The following ZC3HAV1 variants were observed in gnomAD, a reference collection of about 807,000 sequenced individuals.
The protein encoded by ZC3HAV1 is zinc finger CCCH-type antiviral protein 1.
ZC3HAV1 carries 41 observed loss-of-function variants against 86.6 expected under a neutral mutation model. The ratio of observed to expected loss-of-function variants is 0.47; its 90% confidence interval spans 0.37 to 0.61. The LOEUF is 0.61. Among genes scored for constraint, ZC3HAV1 ranks in the 20% least tolerant of loss-of-function variants. The pLI, the probability that ZC3HAV1 is intolerant of heterozygous loss-of-function variation, is 0.00. For synonymous variants in ZC3HAV1, 421 were observed against 432.1 expected, an observed-to-expected ratio of 0.97 and a Z score of 0.32; for missense variants, 964 against 1,141.1, an observed-to-expected ratio of 0.84 and a Z score of 2.24.
At chr7:139,082,707 G>A (rs1266909043) in intron 3 of ZC3HAV1, among the ~76,000 whole-genome samples, 2 of 152,146 alleles carry the variant, frequency 1.3e-5, no homozygotes, top group African/African-American at 4.8e-5. Flanking sequence ...ATCATGCTAA[G>A]TGAAATAAGC....
chr7:139,073,420 C>T (rs1816838811), intron 7 of ZC3HAV1, among the ~76,000 whole-genome samples: 1 of 152,080 alleles, frequency 6.6e-6, no homozygotes, highest in Non-Finnish European at 1.5e-5. Flanking sequence ...AAAAATACCA[C>T]TTCCTCTACC....
intron 2 of ZC3HAV1, among the ~76,000 whole-genome samples, chr7:139,084,331 A>C (rs749375491): frequency 5.3e-5 from 8 of 152,232 alleles, no homozygotes; most frequent in Non-Finnish European, 1.2e-4. Context: ...ATCATGAAGG[A>C]ACCCAGCACA....
At chr7:139,074,123 T>G in intron 6 of ZC3HAV1, 93 bp from the exon 7 acceptor site, 1 of 1,270,050 alleles carries the variant, frequency 7.9e-7, no homozygotes, top group Non-Finnish European at 1.1e-6. Flanking sequence ...GAATTAAACT[T>G]TCAGGGCTAA....
chr7:139,101,239 G>C (rs1252732683), intron 1 of ZC3HAV1, among the ~76,000 whole-genome samples: 2 of 151,878 alleles, frequency 1.3e-5, no homozygotes, highest in East Asian at 4.0e-4. Flanking sequence ...AAAGTGCCGA[G>C]ATCGCAGCCT....
At chr7:139,073,828 GC>G in intron 7 of ZC3HAV1, 27 bp downstream of exon 7, 1 of 1,573,160 alleles carries the variant, frequency 6.4e-7, no homozygotes, top group South Asian at 1.1e-5. Context: ...TTAAACAAGA[GC>G]CCCCTACAAG....
At chr7:139,065,268 A>G (rs1392726772) in intron 7 of ZC3HAV1, among the ~76,000 whole-genome samples, 1 of 152,216 alleles carries the variant, frequency 6.6e-6, no homozygotes, top group Non-Finnish European at 1.5e-5. Flanking sequence ...ACTCTTTTAC[A>G]GCCTTCCATA....
intron 7 of ZC3HAV1, among the ~76,000 whole-genome samples, chr7:139,070,340 G>A (rs1432722513): frequency 1.3e-5 from 2 of 152,060 alleles, no homozygotes; most frequent in African/African-American, 2.4e-5. Context: ...AGCTAACACA[G>A]ACTAAATGTC....
At chr7:139,052,538 A>G (rs1292071819) in intron 12 of ZC3HAV1, among the ~76,000 whole-genome samples, 2 of 148,514 alleles carry the variant, frequency 1.3e-5, no homozygotes, top group East Asian at 2.0e-4. Flanking sequence ...CAAGGAGGTG[A>G]AGGTTGCAGT....
At chr7:139,079,221 C>T in intron 4 of ZC3HAV1, 1 of 1,536,458 alleles carries the variant, frequency 6.5e-7, no homozygotes. Context: ...GAAAGGGCAG[C>T]AGGTGACTGA....
In ZC3HAV1 at chr7:139,047,729, C is replaced by T. The variant is rs764649923; in HGVS notation, c.2574G>A (p.Thr858=). Residue 858 remains threonine, a synonymous_variant, in exon 13 of 13, where the codon ACG becomes ACA. Transcript: ENST00000242351. ...GKFTEGNITY[T]SPPPQFDSCV... is the part of the protein sequence containing the mutation. ...AGCTGTCGAACTGTGGAGGAGGGCTCGTGTACGTTATATTTCCTTCAGTAA... is the reference window on the plus strand; with the variant it reads ...AGCTGTCGAACTGTGGAGGAGGGCTTGTGTACGTTATATTTCCTTCAGTAA... The T allele has an allele frequency of 1.1e-5, 17 of 1,613,950 alleles. No homozygotes were observed. In the Admixed American group the frequency reaches 2.3e-4, roughly 22 times the overall value.
intron 2 of ZC3HAV1, among the ~76,000 whole-genome samples, chr7:139,084,566 C>T (rs1817223729): frequency 6.6e-6 from 1 of 152,222 alleles, no homozygotes; most frequent in Non-Finnish European, 1.5e-5. Flanking sequence ...AGAGAAAATA[C>T]TGCAGCTGAG....
chr7:139,069,499 G>C (rs138763215), intron 7 of ZC3HAV1, among the ~76,000 whole-genome samples: 108 of 152,148 alleles, frequency 7.1e-4, no homozygotes, highest in African/African-American at 2.2e-3. Flanking sequence ...AAACATCTTC[G>C]AGGACCTGAA....
intron 7 of ZC3HAV1, among the ~76,000 whole-genome samples, chr7:139,068,989 T>G (rs1450986094): frequency 6.6e-6 from 1 of 152,248 alleles, no homozygotes; most frequent in African/African-American, 2.4e-5. Flanking sequence ...TTCCTGTGTG[T>G]TGTCTGGGTC....
rs145462587 is a variant in ZC3HAV1 at position 139,107,002 on chromosome 7, G to A, written c.308+2022C>T. On this transcript the variant is annotated intron_variant, in intron 1 of 12. Coordinates refer to ENST00000242351, the MANE Select transcript of ZC3HAV1 (RefSeq NM_020119.4). ...TTTGAGTATGTTGAAAATATCCATA[G>A]TAAGAAATAAAAAAATAAAAAGCAT... is the stretch of plus-strand genomic sequence containing the variant. 7.1e-3 allele frequency among the ~76,000 whole-genome samples: 1,075 copies of A among 151,738 alleles called. 5 individuals carry two copies. The highest frequency in any genetic ancestry group is 0.014 in the Middle Eastern group (4 of 294).
intron 1 of ZC3HAV1, among the ~76,000 whole-genome samples, chr7:139,098,231 G>C (rs1433373402): frequency 6.6e-6 from 1 of 152,090 alleles, no homozygotes; most frequent in Non-Finnish European, 1.5e-5. Context: ...GAGCCATGGC[G>C]CCCGGCCTCC....
At chr7:139,106,408 T>C (rs1220974268) in intron 1 of ZC3HAV1, among the ~76,000 whole-genome samples, 1 of 151,884 alleles carries the variant, frequency 6.6e-6, no homozygotes, top group East Asian at 1.9e-4. Context: ...AGCTCAGGAG[T>C]TCGAGACCGG....
In ZC3HAV1 at chr7:139,062,024, C is replaced by T. The variant is rs552995721; in HGVS notation, c.1994-886G>A. ...ATATCAAATTCTAGAACAGGTAAAA[C>T]AGGGACAGAAAGCAAATCAGCAATA... On this transcript the variant is annotated intron_variant, in intron 8 of 12. Transcript: ENST00000242351. Among the ~76,000 whole-genome samples, 12 of 152,228 alleles carry T rather than the reference C, an allele frequency of 7.9e-5. No individual in the cohort carries two copies. In the East Asian group the frequency reaches 2.3e-3, roughly 29 times the overall value.
At chr7:139,080,637 C>G (rs377130072) in intron 3 of ZC3HAV1, among the ~76,000 whole-genome samples, 23 of 152,280 alleles carry the variant, frequency 1.5e-4, no homozygotes, top group African/African-American at 5.3e-4. Context: ...CAGAGCACGT[C>G]ATTCCATGGC....
Position 139,053,590 on chromosome 7 carries a change from A to G in ZC3HAV1, c.2319-9T>C, listed in dbSNP as rs1436627449. On this transcript the variant is annotated splice_polypyrimidine_tract_variant and intron_variant, in intron 11 of 12. Coordinates refer to ENST00000242351, the MANE Select transcript of ZC3HAV1 (RefSeq NM_020119.4). ...TCATCTGCGATTTCTTCCTAATATA[A>G]GAGATGTGAGACTTAACACGGAGAC... The G allele has an allele frequency of 3.8e-6, 6 of 1,585,486 alleles. No homozygotes were observed. The highest frequency in any genetic ancestry group is 5.1e-6 in the Non-Finnish European group (6 of 1,168,628).
Sources: gnomAD v4.1 joint callset for allele counts (sites outside exome capture counted in the v4.1 genomes callset) on GRCh38, gnomAD v4.1.1 for gene constraint, MANE v1.5 for transcripts, NCBI Gene and HGNC (gene_info 2026-07-23, HGNC 2026-07-21) for gene names.